The following SFMBT2 variants were observed in gnomAD, a reference collection of about 807,000 sequenced individuals.
The protein encoded by SFMBT2 is scm-like with four MBT domains protein 2.
Under a neutral mutation model 110.1 loss-of-function variants are expected in SFMBT2, and 38 were observed. That is an observed-to-expected ratio of 0.35 (90% CI 0.27 to 0.45). The LOEUF (loss-of-function observed/expected upper bound fraction) is 0.45. SFMBT2 is among the 20% of genes least tolerant of loss of function. SFMBT2 has a pLI of 1.00. For synonymous variants in SFMBT2, 425 were observed against 425.4 expected, an observed-to-expected ratio of 1.00 and a Z score of 0.01; for missense variants, 1,011 against 1,094.9, an observed-to-expected ratio of 0.92 and a Z score of 1.08.
chr10:7,310,150 C>A (rs1842809230), intron 4 of SFMBT2, among the ~76,000 whole-genome samples: 1 of 152,192 alleles, frequency 6.6e-6, no homozygotes, highest in Non-Finnish European at 1.5e-5. Context: ...AGAGAGAGCA[C>A]CTGGTGAACA....
intron 1 of SFMBT2, among the ~76,000 whole-genome samples, chr10:7,389,162 T>A (rs1163434526): frequency 6.6e-6 from 1 of 152,198 alleles, no homozygotes; most frequent in African/African-American, 2.4e-5. Context: ...CAGATAATTC[T>A]TGGGGAAACC....
chr10:7,287,301 G>T (rs948141027), intron 4 of SFMBT2: 1 of 162,638 alleles, frequency 6.1e-6, no homozygotes. Flanking sequence ...AGATGGTCTC[G>T]ATCTCCTGAC....
At chr10:7,210,816 C>A (rs1026646917) in intron 11 of SFMBT2, among the ~76,000 whole-genome samples, 4 of 152,018 alleles carry the variant, frequency 2.6e-5, no homozygotes, top group African/African-American at 7.3e-5. Flanking sequence ...GAAAACAAAA[C>A]CAAAAACAAA....
intron 7 of SFMBT2, among the ~76,000 whole-genome samples, chr10:7,269,742 GTGTGTGTGTGTGTGTGTC>G (rs1841519810): frequency 1.1e-5 from 1 of 90,956 alleles, no homozygotes; most frequent in Admixed American, 1.3e-4. Context: ...GTGTGTGTGT[GTGTGTGTGTGTGTGTGTC>G]TCTTTTTGGA....
At chr10:7,316,267 C>G (rs7074473) in intron 4 of SFMBT2, among the ~76,000 whole-genome samples, 33,220 of 152,058 alleles carry the variant, frequency 0.22, 3,988 homozygotes, top group East Asian at 0.31. Context: ...AGACCAGAAA[C>G]AGCACTGAGA....
At chr10:7,280,365 A>G (rs185943565) in intron 6 of SFMBT2, among the ~76,000 whole-genome samples, 13 of 152,206 alleles carry the variant, frequency 8.5e-5, no homozygotes, top group Middle Eastern at 3.4e-3. Flanking sequence ...TGACTCCAAG[A>G]TCTAAAACAA....
At chr10:7,204,873 TTA>T in intron 12 of SFMBT2, 1 of 955,778 alleles carries the variant, frequency 1.0e-6, no homozygotes, top group Non-Finnish European at 1.2e-6. Context: ...AACTCCATCT[TTA>T]AAAAAAAAAA....
At chr10:7,360,562 A>G (rs572212729) in intron 4 of SFMBT2, among the ~76,000 whole-genome samples, 3 of 152,334 alleles carry the variant, frequency 2.0e-5, no homozygotes, top group South Asian at 2.1e-4. Flanking sequence ...GGAAAAAAAA[A>G]CTATTCATTT....
chr10:7,223,339 AGTG>A (rs1227298026), intron 10 of SFMBT2, among the ~76,000 whole-genome samples: 1 of 152,104 alleles, frequency 6.6e-6, no homozygotes, highest in African/African-American at 2.4e-5. Context: ...ATAGGTATCT[AGTG>A]GTGTCTCACG....
intron 4 of SFMBT2, among the ~76,000 whole-genome samples, chr10:7,289,254 C>A (rs59948429): frequency 6.6e-6 from 1 of 152,164 alleles, no homozygotes; most frequent in Non-Finnish European, 1.5e-5. Context: ...TATAATCCAG[C>A]GATAAATGGT....
At chr10:7,320,716 T>C in intron 4 of SFMBT2, 1 of 630,474 alleles carries the variant, frequency 1.6e-6, no homozygotes, top group Non-Finnish European at 2.0e-6. Flanking sequence ...CTCAGTGTTT[T>C]GCGGGCTGAC....
chr10:7,190,772 T>C (rs1431591110), intron 15 of SFMBT2, among the ~76,000 whole-genome samples: 1 of 152,206 alleles, frequency 6.6e-6, no homozygotes, highest in African/African-American at 2.4e-5. Context: ...GCCCCCAAAC[T>C]AATAGGACCT....
intron 7 of SFMBT2, among the ~76,000 whole-genome samples, chr10:7,276,022 T>C (rs7916739): frequency 0.62 from 93,903 of 151,738 alleles, 29,827 homozygotes; most frequent in East Asian, 0.79. Flanking sequence ...CCACACTCCA[T>C]GGGCCTGTTT....
At chr10:7,281,300 GGTGGTGGT>G (rs1841942606) in intron 6 of SFMBT2, among the ~76,000 whole-genome samples, 1 of 152,104 alleles carries the variant, frequency 6.6e-6, no homozygotes. Context: ...TTTTAACAAT[GGTGGTGGT>G]GTTAGTGGGA....
At chr10:7,176,553 G>A (rs1362810086) in intron 16 of SFMBT2, 3 of 966,324 alleles carry the variant, frequency 3.1e-6, no homozygotes, top group Non-Finnish European at 3.7e-6. Context: ...TTTGAAAAAT[G>A]TGAGTGCATA....
intron 9 of SFMBT2, among the ~76,000 whole-genome samples, chr10:7,231,244 T>G (rs920715333): frequency 3.9e-5 from 6 of 152,222 alleles, no homozygotes; most frequent in Non-Finnish European, 7.3e-5. Context: ...ACGGACTTTG[T>G]TAAAGTCAAG....
At chr10:7,274,815 A>C (rs1186381339) in intron 7 of SFMBT2, among the ~76,000 whole-genome samples, 2 of 151,214 alleles carry the variant, frequency 1.3e-5, no homozygotes, top group African/African-American at 2.4e-5. Context: ...TGATCACCCC[A>C]CTGCACTCCA....
chr10:7,267,578 G>C (rs536574357), intron 7 of SFMBT2, among the ~76,000 whole-genome samples: 1 of 152,160 alleles, frequency 6.6e-6, no homozygotes, highest in Non-Finnish European at 1.5e-5. Context: ...TGCATTTTTA[G>C]TAGAGATGTG....
chr10:7,312,727 C>T (rs1353879162), intron 4 of SFMBT2, among the ~76,000 whole-genome samples: 6 of 152,172 alleles, frequency 3.9e-5, no homozygotes, highest in Admixed American at 6.5e-5. Flanking sequence ...GGGGCGTTAG[C>T]GAATCACAAT....
Sources: gnomAD v4.1 joint callset for allele counts (sites outside exome capture counted in the v4.1 genomes callset) on GRCh38, gnomAD v4.1.1 for gene constraint, MANE v1.5 for transcripts, NCBI Gene and HGNC (gene_info 2026-07-23, HGNC 2026-07-21) for gene names.